The following MRTFB variants were observed in gnomAD, a reference collection of about 807,000 sequenced individuals.
The protein encoded by MRTFB is myocardin-related transcription factor B.
A neutral mutation model predicts 104.2 loss-of-function variants in MRTFB; 29 were observed. That is an observed-to-expected ratio of 0.28 (90% CI 0.21 to 0.38). The LOEUF (loss-of-function observed/expected upper bound fraction) is 0.38, where lower values mean the gene tolerates loss of function less well. Ranked by LOEUF, MRTFB falls within the 10% of genes least tolerant of loss-of-function variation. The pLI is 1.00. For synonymous variants in MRTFB, 535 were observed against 519.5 expected (o/e 1.03, Z -0.41); for missense variants, 1,270 against 1,341.6 (o/e 0.95, Z 0.83).
chr16:14,258,410 CATA>C (rs1166010221), intron 16 of MRTFB, among the ~76,000 whole-genome samples: 1 of 152,142 alleles, frequency 6.6e-6, no homozygotes, highest in Non-Finnish European at 1.5e-5. Flanking sequence ...GCTTGGGAAA[CATA>C]ATGAGACCTC....
At chr16:14,072,485 A>G (rs975112478) in intron 1 of MRTFB, among the ~76,000 whole-genome samples, 6 of 152,134 alleles carry the variant, frequency 3.9e-5, no homozygotes, top group Non-Finnish European at 8.8e-5. Flanking sequence ...TTCAAACAAG[A>G]GCAAGCCTGG....
chr16:14,213,714 T>C, intron 6 of MRTFB, 94 bp downstream of exon 6: 1 of 976,584 alleles, frequency 1.0e-6, no homozygotes, highest in Non-Finnish European at 1.5e-6. Flanking sequence ...TTAATAACTT[T>C]TTAACCCACA....
intron 2 of MRTFB, among the ~76,000 whole-genome samples, chr16:14,130,819 C>T (rs2037402320): frequency 6.6e-6 from 1 of 152,092 alleles, no homozygotes; most frequent in African/African-American, 2.4e-5. Flanking sequence ...GGAGCAAACA[C>T]ATCCTTCTTC....
At chr16:14,001,219 T>C in the MRTFB span, among the ~76,000 whole-genome samples, 1 of 152,224 alleles carries the variant, frequency 6.6e-6, no homozygotes, top group Non-Finnish European at 1.5e-5. Flanking sequence ...GGGAATTTAT[T>C]GGCTTGGTGG....
chr16:14,125,601 G>T (rs1176653669), intron 2 of MRTFB, among the ~76,000 whole-genome samples: 1 of 152,130 alleles, frequency 6.6e-6, no homozygotes, highest in Non-Finnish European at 1.5e-5. Flanking sequence ...CAGAAATTTT[G>T]TAAACATATT....
intron 3 of MRTFB, chr16:14,141,018 C>T (rs2037970841): frequency 2.7e-6 from 1 of 372,530 alleles, no homozygotes; most frequent in African/African-American, 2.1e-5. Flanking sequence ...CATTTTAGCA[C>T]AAGCAGATGA....
intron 4 of MRTFB, 86 bp downstream of exon 4, chr16:14,210,394 CA>C: frequency 1.0e-6 from 1 of 953,064 alleles, no homozygotes; most frequent in Non-Finnish European, 1.6e-6. Flanking sequence ...GCTCTGCTTT[CA>C]GTTGTATCCA....
the MRTFB span, among the ~76,000 whole-genome samples, chr16:14,006,708 CT>C: frequency 1.5e-3 from 220 of 146,968 alleles, no homozygotes; most frequent in South Asian, 0.011. Flanking sequence ...CCATATGCAA[CT>C]TTTTTTTTTT....
At chr16:14,248,886 C>G (rs1396208157) in intron 12 of MRTFB, 40 bp from the exon 13 acceptor site, 4 of 1,602,664 alleles carry the variant, frequency 2.5e-6, no homozygotes, top group South Asian at 1.1e-5. Flanking sequence ...AACTTTGATT[C>G]TGACAATTAA....
chr16:14,181,952 T>C (rs2039784799), intron 3 of MRTFB, among the ~76,000 whole-genome samples: 1 of 152,214 alleles, frequency 6.6e-6, no homozygotes, highest in Non-Finnish European at 1.5e-5. Context: ...CTAAAAGAGC[T>C]CTTTTCAGTG....
chr16:14,008,408 C>T, the MRTFB span, among the ~76,000 whole-genome samples: 2 of 152,262 alleles, frequency 1.3e-5, no homozygotes. Flanking sequence ...GGTCTCACTT[C>T]ATTCTTTTGA....
At chr16:14,115,756 A>G (rs190089557) in intron 2 of MRTFB, among the ~76,000 whole-genome samples, 2 of 152,318 alleles carry the variant, frequency 1.3e-5, no homozygotes, top group East Asian at 3.9e-4. Flanking sequence ...AGGTTGGGCC[A>G]CAGGTGAATT....
At chr16:14,199,578 G>T (rs1378223366) in intron 3 of MRTFB, among the ~76,000 whole-genome samples, 4 of 152,108 alleles carry the variant, frequency 2.6e-5, no homozygotes, top group Non-Finnish European at 1.5e-5. Flanking sequence ...CTGAAACCCA[G>T]GATCATCTTT....
intron 8 of MRTFB, among the ~76,000 whole-genome samples, chr16:14,220,232 G>C (rs1238274979): frequency 6.6e-6 from 1 of 152,154 alleles, no homozygotes; most frequent in Non-Finnish European, 1.5e-5. Flanking sequence ...CTGCACCCTG[G>C]TTTTGAGCTT....
At chr16:14,031,618 G>C in the MRTFB span, among the ~76,000 whole-genome samples, 1 of 152,014 alleles carries the variant, frequency 6.6e-6, no homozygotes, top group Non-Finnish European at 1.5e-5. Flanking sequence ...ATATATTTTG[G>C]TCTTTCTCCC....
chr16:14,077,157 G>C (rs1053671312), intron 1 of MRTFB, among the ~76,000 whole-genome samples: 1 of 152,094 alleles, frequency 6.6e-6, no homozygotes, highest in African/African-American at 2.4e-5. Context: ...ATCTCTTATG[G>C]TATCTGGATT....
the MRTFB span, among the ~76,000 whole-genome samples, chr16:14,061,316 C>T: frequency 6.6e-6 from 1 of 152,200 alleles, no homozygotes; most frequent in Admixed American, 6.5e-5. Flanking sequence ...TCTCCATTCA[C>T]ACTCCTTGGC....
At chr16:14,199,996 A>T (rs1333510186) in intron 3 of MRTFB, 1 of 302,558 alleles carries the variant, frequency 3.3e-6, no homozygotes, top group East Asian at 7.2e-5. Context: ...CTTAAAACTT[A>T]ATGTTATACA....
intron 10 of MRTFB, among the ~76,000 whole-genome samples, chr16:14,244,162 A>G (rs2042912976): frequency 6.6e-6 from 1 of 152,134 alleles, no homozygotes; most frequent in South Asian, 2.1e-4. Context: ...CCTGTTTTTG[A>G]ACTTCATATA....
Sources: allele counts gnomAD v4.1 joint callset (sites outside exome capture counted in the v4.1 genomes callset), GRCh38; gene constraint gnomAD v4.1.1; transcripts MANE v1.5; gene names NCBI Gene and HGNC (gene_info 2026-07-23, HGNC 2026-07-21).